The following KIAA1586 variants were observed in gnomAD, a reference collection of about 807,000 sequenced individuals.
KIAA1586 encodes the protein E3 SUMO-protein ligase KIAA1586.
In KIAA1586, 5 loss-of-function variants were observed where a neutral mutation model predicts 6.1. The observed-to-expected ratio is 0.82, with a 90% CI of 0.43 to 1.73. The LOEUF (loss-of-function observed/expected upper bound fraction) is 1.73. KIAA1586 is among the 40% of genes most tolerant of loss of function. The probability of loss-of-function intolerance (pLI) is 0.02; values close to 1 mark genes in which losing one functional copy is unlikely to be tolerated. For missense variants in KIAA1586, 899 were observed against 878.2 expected, an observed-to-expected ratio of 1.02 and a Z score of -0.30; for synonymous variants, 280 against 301.7, an observed-to-expected ratio of 0.93 and a Z score of 0.75.
chr6:57,063,600 C>T, the KIAA1586 span, among the ~76,000 whole-genome samples: 1 of 151,622 alleles, frequency 6.6e-6, no homozygotes, highest in South Asian at 2.1e-4. Context: ...ATTACAGGTG[C>T]ACGCCACCAC....
At chr6:57,051,652 G>A (rs139930763) in intron 3 of KIAA1586, among the ~76,000 whole-genome samples, 7 of 151,990 alleles carry the variant, frequency 4.6e-5, no homozygotes, top group Non-Finnish European at 8.8e-5. Context: ...TCCAAAACTC[G>A]GCCAGGCATG....
rs1165597863 is a variant in KIAA1586 at position 57,054,618 on chromosome 6, G to A, written c.2119G>A (p.Ala707Thr). The A allele has an allele frequency of 6.3e-7, 1 of 1,597,256 alleles. No homozygotes were observed. The highest frequency in any genetic ancestry group is 8.5e-7 in the Non-Finnish European group (1 of 1,169,650). Residue 707 changes from alanine to threonine, a missense_variant, in exon 4 of 4, where the codon GCT (alanine) becomes ACT (threonine). By Grantham distance (58) the Ala-to-Thr change is moderately conservative. Coordinates refer to ENST00000370733, the MANE Select transcript of KIAA1586 (RefSeq NM_020931.4). ...CACCATTGCAATCAATAGTGCTGAA[G>A]CTGAAAGGGGTTTCAATTTAATGAA... ...VSTIAINSAE[A>T]ERGFNLMNII...
rs749096697 is a variant in KIAA1586 at position 57,053,358 on chromosome 6, A to C, written c.859A>C (p.Ser287Arg). 1.1e-5 allele frequency: 18 copies of C among 1,612,134 alleles called. No homozygotes were observed. The highest frequency in any genetic ancestry group is 1.4e-5 in the Non-Finnish European group (16 of 1,179,070). Residue 287 changes from serine to arginine, a missense_variant, in exon 4 of 4, where the codon AGT becomes CGT. Coordinates refer to ENST00000370733, the MANE Select transcript of KIAA1586 (RefSeq NM_020931.4). ...GEVNCLNTRY[S>R]ATRIAEHIAK... ...GGTAAATTGTTTAAATACACGTTAC[A>C]GTGCAACAAGAATAGCAGAACATAT...
rs750018065 is a variant in KIAA1586 at position 57,054,532 on chromosome 6, A to C, written c.2033A>C (p.Asn678Thr). 6.3e-7 allele frequency: 1 copy of C among 1,597,750 alleles called. No individual in the cohort carries two copies. The highest frequency in any genetic ancestry group is 1.4e-5 in the African/African-American group (1 of 73,966). The change falls in exon 4 of 4, where the codon AAT (asparagine) becomes ACT (threonine). Residue 678 changes from asparagine to threonine, a missense_variant. Coordinates refer to ENST00000370733, the MANE Select transcript of KIAA1586 (RefSeq NM_020931.4). ...GATTTTCGGGAATTTGTAAATAATAATATAAAATCAAACAATGTTTCAATT... is the reference window on the plus strand; with the variant it reads ...GATTTTCGGGAATTTGTAAATAATACTATAAAATCAAACAATGTTTCAATT... The part of the protein sequence containing the change: ...LNDFREFVNN[N>T]IKSNNVSIPT...
Position 57,053,009 on chromosome 6 carries a change from G to A in KIAA1586, c.510G>A (p.Leu170=), listed in dbSNP as rs767532389. The A allele has an allele frequency of 1.2e-6, 2 of 1,613,904 alleles. No homozygotes were observed. Among genetic ancestry groups the A allele is most frequent in the Non-Finnish European group, 1.7e-6 (2 of 1,179,904 alleles). The change falls in exon 4 of 4, where the codon TTG becomes TTA. Residue 170 remains leucine (L), a synonymous_variant. Transcript: ENST00000370733. The part of the protein sequence containing the change: ...GCKDCSAVRH[L]GSKAEKHVHV... ...AGGATTGTTCAGCAGTTCGGCATTT[G>A]GGATCGAAAGCAGAAAAGCATGTCC...
chr6:57,055,670 A>C (rs917820693), downstream of KIAA1586, among the ~76,000 whole-genome samples: 2 of 152,198 alleles, frequency 1.3e-5, no homozygotes, highest in Admixed American at 6.5e-5. Flanking sequence ...AATCATGATT[A>C]AATTATTTTT....
At chr6:57,060,853 G>A in the KIAA1586 span, among the ~76,000 whole-genome samples, 5 of 152,070 alleles carry the variant, frequency 3.3e-5, no homozygotes, top group South Asian at 2.1e-4. Context: ...CTCTTGCCAC[G>A]TTGCCCAGGC....
At position 57,054,536 on chromosome 6, in the gene KIAA1586, AAAATC is replaced by A. The variant is rs1417636639; in HGVS notation, c.2041_2045del (p.Ser681GlnfsTer12). ...TTCGGGAATTTGTAAATAATAATATAAAATCAAACAATGTTTCAATTCCTACAACT... is the reference window on the plus strand; with the variant it reads ...TTCGGGAATTTGTAAATAATAATATAAAACAATGTTTCAATTCCTACAACT... On this transcript the variant is annotated frameshift_variant, in exon 4 of 4. Coordinates refer to ENST00000370733, the MANE Select transcript of KIAA1586 (RefSeq NM_020931.4). LOFTEE classifies it low-confidence loss of function (END_TRUNC). 1.3e-6 allele frequency: 2 copies of A among 1,598,952 alleles called. No homozygotes were observed. The highest frequency in any genetic ancestry group is 1.7e-5 in the Admixed American group (1 of 57,564).
At chr6:57,046,971 C>G (rs1236056858) in intron 1 of KIAA1586, 195 bp downstream of exon 1, 14 of 715,462 alleles carry the variant, frequency 2.0e-5, no homozygotes, top group East Asian at 9.1e-5. Context: ...CCCGGCCCCC[C>G]GCACGGGCCC....
chr6:57,064,716 A>G, the KIAA1586 span, among the ~76,000 whole-genome samples: 5 of 152,056 alleles, frequency 3.3e-5, no homozygotes, highest in African/African-American at 1.2e-4. Flanking sequence ...AAAGCCTTCT[A>G]TTTATTGTCA....
Position 57,046,773 on chromosome 6 carries a change from G to A in KIAA1586, c.18G>A (p.Ser6=), listed in dbSNP as rs760871606. Residue 6 remains serine (S), a synonymous_variant, in exon 1 of 4, where the codon TCG becomes TCA. Coordinates refer to ENST00000370733, the MANE Select transcript of KIAA1586 (RefSeq NM_020931.4). ...TCGGAGACATGGGAGACCCGGGGTC[G>A]GAAGTGAGTAGTCGAGTGAGGGTCC... MGDPG[S]EIIESVPPAG... 5.0e-6 allele frequency: 8 copies of A among 1,612,188 alleles called. No homozygotes were observed. Among genetic ancestry groups the A allele is most frequent in the East Asian group, 4.5e-5 (2 of 44,822 alleles).
rs1281678464 is a variant in KIAA1586 at position 57,053,827 on chromosome 6, T to C, written c.1328T>C (p.Phe443Ser). 2 of 1,492,922 alleles carry C rather than the reference T, an allele frequency of 1.3e-6. No homozygotes were observed. The highest frequency in any genetic ancestry group is 2.9e-5 in the African/African-American group (2 of 69,870). 92.5% of individuals were successfully genotyped at this position (1,492,922 alleles called of 1,614,324 possible). A position where few individuals can be genotyped will look rare whatever the true frequency, so the allele number is the denominator to read the frequency against. Reference sequence around the variant, plus strand: ...AAACAAATTAATCATTTAAAAATATTTATTGATAAAATTTATTCTATTTAT... The same window carrying C: ...AAACAAATTAATCATTTAAAAATATCTATTGATAAAATTTATTCTATTTAT... ...EIKQINHLKI[F>S]IDKIYSIYHQ... Residue 443 changes from phenylalanine to serine, a missense_variant, in exon 4 of 4, where the codon TTT becomes TCT. Phe to Ser is a radical substitution (Grantham distance 155). Transcript: ENST00000370733.
chr6:57,052,617 AAG>A, intron 3 of KIAA1586, 67 bp from the exon 4 acceptor site: 1 of 1,246,222 alleles, frequency 8.0e-7, no homozygotes. Context: ...GATAATCACT[AAG>A]AGAACTTTTT....
chr6:57,048,082 G>A (rs796312614), intron 2 of KIAA1586, among the ~76,000 whole-genome samples: 3 of 149,758 alleles, frequency 2.0e-5, no homozygotes, highest in Non-Finnish European at 4.4e-5. Context: ...GCACACTTTG[G>A]ACAGAATGGG....
the KIAA1586 span, among the ~76,000 whole-genome samples, chr6:57,060,910 C>T: frequency 1.3e-5 from 2 of 151,942 alleles, no homozygotes; most frequent in African/African-American, 4.8e-5. Flanking sequence ...TTTGGCCTCC[C>T]AAAGTGCTGG....
the KIAA1586 span, among the ~76,000 whole-genome samples, chr6:57,060,461 G>A: frequency 6.6e-6 from 1 of 152,184 alleles, no homozygotes; most frequent in Admixed American, 6.5e-5. Context: ...TTCTGTATTA[G>A]AAGTAGGCAA....
rs1828443658 is a variant in KIAA1586, at chr6:57,054,442, G to A, written c.1943G>A (p.Trp648Ter). Reference sequence around the variant, plus strand: ...CCTTATGAAGAAATAACTTCACCATGGATAGCTGGTGAAAAAACATTATTT... The same window carrying A: ...CCTTATGAAGAAATAACTTCACCATAGATAGCTGGTGAAAAAACATTATTT... ...TWPYEEITSP[W>*]IAGEKTLFHL... Residue 648 changes from tryptophan (W) to a stop codon, truncating the protein, a stop_gained, in exon 4 of 4, where the codon TGG (tryptophan) becomes TAG (stop). Coordinates refer to ENST00000370733, the MANE Select transcript of KIAA1586 (RefSeq NM_020931.4). LOFTEE classifies it low-confidence loss of function (END_TRUNC). 6.2e-7 allele frequency: 1 copy of A among 1,606,568 alleles called. No homozygotes were observed. Among genetic ancestry groups the A allele is most frequent in the Non-Finnish European group, 8.5e-7 (1 of 1,176,778 alleles).
chr6:57,054,548 T>C lies in KIAA1586; in HGVS notation c.2049T>C (p.Asn683=). The change falls in exon 4 of 4, where the codon AAT becomes AAC. Residue 683 remains asparagine, a synonymous_variant. Transcript: ENST00000370733. The part of the protein sequence containing the change: ...EFVNNNIKSN[N]VSIPTTIYKA... ...TAAATAATAATATAAAATCAAACAA[T>C]GTTTCAATTCCTACAACTATATACA... 1.2e-6 allele frequency: 2 copies of C among 1,602,414 alleles called. No homozygotes were observed. The highest frequency in any genetic ancestry group is 1.7e-6 in the Non-Finnish European group (2 of 1,174,052).
rs754194094 is a variant in KIAA1586 at position 57,054,660 on chromosome 6, G to T, written c.2161G>T (p.Val721Leu). Residue 721 changes from valine (V) to leucine (L), a missense_variant, in exon 4 of 4, where the codon GTG becomes TTG. Transcript: ENST00000370733. ...FNLMNIICTRVRNSLTIDHVS... is the reference protein window; with the variant it reads ...FNLMNIICTRLRNSLTIDHVS... ...TTTAATGAACATAATTTGTACAAGG[G>T]TGAGAAATAGTTTAACAATAGATCA... 4 of 1,562,418 alleles carry T rather than the reference G, an allele frequency of 2.6e-6. No individual in the cohort carries two copies. Among genetic ancestry groups the T allele is most frequent in the Middle Eastern group, 1.7e-4 (1 of 6,018 alleles).
Sources: allele counts gnomAD v4.1 joint callset (sites outside exome capture counted in the v4.1 genomes callset), GRCh38; gene constraint gnomAD v4.1.1; transcripts MANE v1.5; gene names NCBI Gene and HGNC (gene_info 2026-07-23, HGNC 2026-07-21).